PTPRE: variants seen among roughly 807,000 people sequenced by gnomAD.
PTPRE encodes protein tyrosine phosphatase receptor type E.
In PTPRE, 51 loss-of-function variants were observed where a neutral mutation model predicts 102.0. That is an observed-to-expected ratio of 0.50 (90% CI 0.40 to 0.63). The LOEUF (loss-of-function observed/expected upper bound fraction) is 0.63. Ranked by LOEUF, PTPRE falls within the 30% of genes least tolerant of loss-of-function variation. PTPRE has a pLI of 0.00. For missense variants in PTPRE, 752 were observed against 915.1 expected, an observed-to-expected ratio of 0.82 and a Z score of 2.30; for synonymous variants, 345 against 348.2, an observed-to-expected ratio of 0.99 and a Z score of 0.10.
At chr10:128,046,957 C>T (rs1284392117) in intron 3 of PTPRE, among the ~76,000 whole-genome samples, 4 of 152,184 alleles carry the variant, frequency 2.6e-5, no homozygotes, top group East Asian at 1.9e-4. Context: ...AGGGCCAGGC[C>T]GCCTCCCTGT....
intron 2 of PTPRE, among the ~76,000 whole-genome samples, chr10:128,029,474 C>G (rs532803679): frequency 7.9e-5 from 12 of 152,130 alleles, no homozygotes; most frequent in Admixed American, 1.3e-4. Context: ...CAGACACCAC[C>G]CAGGGCCTTC....
intron 2 of PTPRE, among the ~76,000 whole-genome samples, chr10:128,020,357 T>C (rs1845776480): frequency 6.6e-6 from 1 of 152,242 alleles, no homozygotes; most frequent in African/African-American, 2.4e-5. Context: ...ATTAATATTA[T>C]GACGCTGAGT....
At chr10:128,006,619 C>T (rs761688393) in intron 2 of PTPRE, among the ~76,000 whole-genome samples, 22 of 152,240 alleles carry the variant, frequency 1.4e-4, no homozygotes, top group Non-Finnish European at 2.9e-4. Context: ...AGCTGGAAGA[C>T]GTCTGAGTTC....
intron 2 of PTPRE, among the ~76,000 whole-genome samples, chr10:127,991,345 C>T (rs576470359): frequency 2.0e-5 from 3 of 152,310 alleles, no homozygotes; most frequent in Admixed American, 2.0e-4. Context: ...TCACTACCCA[C>T]GGCTGTATAT....
chr10:127,917,116 G>A (rs572245087), intron 1 of PTPRE, among the ~76,000 whole-genome samples: 8 of 152,006 alleles, frequency 5.3e-5, no homozygotes, highest in African/African-American at 7.2e-5. Context: ...GTGGGTGAGA[G>A]GATGAGAGTG....
intron 1 of PTPRE, among the ~76,000 whole-genome samples, chr10:127,909,217 G>A (rs1223387694): frequency 6.6e-6 from 1 of 152,218 alleles, no homozygotes; most frequent in East Asian, 1.9e-4. Context: ...GCCCCTGAGA[G>A]TAGATGCGGC....
chr10:128,015,429 T>C (rs957220989), intron 2 of PTPRE, among the ~76,000 whole-genome samples: 8 of 152,136 alleles, frequency 5.3e-5, no homozygotes, highest in East Asian at 1.9e-4. Context: ...TGCAGTGGCG[T>C]GATCTCGGCT....
intron 1 of PTPRE, among the ~76,000 whole-genome samples, chr10:127,975,920 T>C (rs1235962818): frequency 6.6e-6 from 1 of 152,112 alleles, no homozygotes; most frequent in African/African-American, 2.4e-5. Flanking sequence ...TGAGCCTCAG[T>C]TCCCCCTCTG....
intron 6 of PTPRE, among the ~76,000 whole-genome samples, chr10:128,050,034 C>A (rs1387269446): frequency 6.6e-6 from 1 of 152,202 alleles, no homozygotes. Flanking sequence ...GAGCCCCAAA[C>A]CATCCTTTCA....
chr10:128,018,548 G>A (rs540055056), intron 2 of PTPRE, among the ~76,000 whole-genome samples: 6 of 152,302 alleles, frequency 3.9e-5, no homozygotes, highest in East Asian at 1.9e-4. Context: ...AGCAGGAGGC[G>A]GTGTTGGCCG....
At chr10:127,908,213 C>G (rs1192505475) in intron 1 of PTPRE, among the ~76,000 whole-genome samples, 1 of 152,144 alleles carries the variant, frequency 6.6e-6, no homozygotes. Flanking sequence ...GAATACAGCT[C>G]TCTGCTTGTA....
chr10:128,076,795 C>T, intron 18 of PTPRE, 67 bp downstream of exon 18: 1 of 1,590,724 alleles, frequency 6.3e-7, no homozygotes. Context: ...CTGGGTTCTG[C>T]TTGTCATTGA....
intron 1 of PTPRE, among the ~76,000 whole-genome samples, chr10:127,920,846 A>G (rs895308490): frequency 7.2e-5 from 11 of 152,306 alleles, no homozygotes; most frequent in African/African-American, 2.6e-4. Context: ...GCTCTCTCTC[A>G]TATGTGCTCT....
chr10:128,054,989 A>G lies in PTPRE; in HGVS notation c.421-1134A>G, dbSNP rs146376028. On this transcript the variant is annotated intron_variant, in intron 6 of 20. Coordinates refer to ENST00000254667, the MANE Select transcript of PTPRE (RefSeq NM_006504.6). ...TTGCTGGGTGACCCTGGACAAATCT[A>G]TAACACCTCGCTTTGGCTTTCAGTT... Among the ~76,000 whole-genome samples the G allele has an allele frequency of 6.7e-3, 1,017 of 152,174 alleles. 16 individuals carry two copies. The highest frequency in any genetic ancestry group is 0.024 in the African/African-American group (977 of 41,550).
At chr10:128,062,030 C>T (rs1195115988) in intron 9 of PTPRE, among the ~76,000 whole-genome samples, 9 of 152,050 alleles carry the variant, frequency 5.9e-5, no homozygotes, top group African/African-American at 1.7e-4. Flanking sequence ...CAAGTTTGGG[C>T]GAGGGGTTAG....
rs375871075 is a variant in PTPRE at position 128,057,139 on chromosome 10, C to A, written c.511+926C>A. Among the ~76,000 whole-genome samples the A allele has an allele frequency of 1.1e-4, 16 of 152,060 alleles. No individual in the cohort carries two copies. In the East Asian group the frequency reaches 3.1e-3, roughly 29 times the overall value. ...GACTGAGGCAGGAGAATCTCTTGAA[C>A]CTGGGAGACAGAGGTTGCCATGAGC... is the stretch of plus-strand genomic sequence containing the variant. On this transcript the variant is annotated intron_variant, in intron 7 of 20. Coordinates refer to ENST00000254667, the MANE Select transcript of PTPRE (RefSeq NM_006504.6).
At chr10:128,067,008 C>T (rs1361318275) in intron 11 of PTPRE, among the ~76,000 whole-genome samples, 1 of 132,140 alleles carries the variant, frequency 7.6e-6, no homozygotes, top group Non-Finnish European at 1.6e-5. Context: ...ACACGTACAC[C>T]TACCCACACA....
At chr10:127,970,983 G>A (rs1850683773) in intron 1 of PTPRE, among the ~76,000 whole-genome samples, 1 of 152,036 alleles carries the variant, frequency 6.6e-6, no homozygotes, top group Admixed American at 6.6e-5. Flanking sequence ...AATTGATGTA[G>A]CAAAATCAGC....
intron 1 of PTPRE, among the ~76,000 whole-genome samples, chr10:127,951,484 G>A (rs1416614919): frequency 6.6e-6 from 1 of 152,108 alleles, no homozygotes; most frequent in African/African-American, 2.4e-5. Flanking sequence ...TGTCACCATG[G>A]CCCCCCAGTT....
Sources: allele counts gnomAD v4.1 joint callset (sites outside exome capture counted in the v4.1 genomes callset), GRCh38; gene constraint gnomAD v4.1.1; transcripts MANE v1.5; gene names NCBI Gene and HGNC (gene_info 2026-07-23, HGNC 2026-07-21).